Variants in GSE1 observed in about 807,000 individuals in gnomAD.
The protein encoded by GSE1 is genetic suppressor element 1.
A neutral mutation model predicts 112.6 loss-of-function variants in GSE1; 32 were observed. That is an observed-to-expected ratio of 0.28 (90% confidence interval 0.21 to 0.38). GSE1 has a LOEUF of 0.38. GSE1 is among the 10% of genes least tolerant of loss of function. The pLI, the probability that GSE1 is intolerant of heterozygous loss-of-function variation, is 1.00. For synonymous variants in GSE1, 1,115 were observed against 735.6 expected (o/e 1.52, Z -8.35); for missense variants, 2,348 against 1,699.2 (o/e 1.38, Z -6.71).
At chr16:85,598,337 C>T (rs1481149930) in intron 1 of GSE1, among the ~76,000 whole-genome samples, 3 of 152,226 alleles carry the variant, frequency 2.0e-5, no homozygotes, top group African/African-American at 2.4e-5. Flanking sequence ...GGGCTGCCCA[C>T]GAGAGCCGGT....
At chr16:85,519,378 A>T (rs2052070565) in intron 2 of GSE1, among the ~76,000 whole-genome samples, 1 of 100,560 alleles carries the variant, frequency 9.9e-6, no homozygotes, top group African/African-American at 3.9e-5. Flanking sequence ...GGTCTCCATC[A>T]TCATCACCTT....
chr16:85,477,007 C>T (rs1162062539), intron 2 of GSE1, among the ~76,000 whole-genome samples: 1 of 151,204 alleles, frequency 6.6e-6, no homozygotes, highest in African/African-American at 2.4e-5. Flanking sequence ...TAACTGCAAC[C>T]TCCACTTCCC....
At chr16:85,343,941 A>G (rs926773586) in intron 1 of GSE1, among the ~76,000 whole-genome samples, 6 of 152,088 alleles carry the variant, frequency 3.9e-5, no homozygotes, top group Non-Finnish European at 4.4e-5. Flanking sequence ...CTCAAATGCA[A>G]CCGGGCACAG....
At chr16:85,481,639 C>G (rs1465201466) in intron 2 of GSE1, among the ~76,000 whole-genome samples, 1 of 152,200 alleles carries the variant, frequency 6.6e-6, no homozygotes, top group African/African-American at 2.4e-5. Context: ...GATGTGGTCA[C>G]TTTCCAGGAG....
At chr16:85,312,108 T>C (rs1390369916) in intron 1 of GSE1, among the ~76,000 whole-genome samples, 1 of 150,072 alleles carries the variant, frequency 6.7e-6, no homozygotes, top group Non-Finnish European at 1.5e-5. Context: ...ACGCTCAGAC[T>C]CTCCTGCTGG....
intron 2 of GSE1, among the ~76,000 whole-genome samples, chr16:85,501,064 G>C (rs1240653437): frequency 8.0e-6 from 1 of 125,560 alleles, no homozygotes; most frequent in Non-Finnish European, 1.6e-5. Context: ...GGAGTGGCAC[G>C]ATCTCGGCTC....
At chr16:85,253,204 G>A (rs1452896733) in intron 1 of GSE1, among the ~76,000 whole-genome samples, 2 of 152,094 alleles carry the variant, frequency 1.3e-5, no homozygotes, top group Non-Finnish European at 1.5e-5. Context: ...AAGGCGCCAA[G>A]GCCTGCCTCG....
intron 1 of GSE1, among the ~76,000 whole-genome samples, chr16:85,340,432 G>T (rs1441675388): frequency 6.6e-6 from 1 of 152,186 alleles, no homozygotes; most frequent in Non-Finnish European, 1.5e-5. Context: ...TTGAGGTGAG[G>T]AGTTCGAAAC....
chr16:85,527,608 G>A (rs977363823), intron 2 of GSE1, among the ~76,000 whole-genome samples: 2 of 152,276 alleles, frequency 1.3e-5, no homozygotes, highest in African/African-American at 4.8e-5. Flanking sequence ...GCGGTGAATG[G>A]GTGAATGGAG....
intron 8 of GSE1, among the ~76,000 whole-genome samples, chr16:85,659,086 C>T (rs1223218155): frequency 6.6e-6 from 1 of 152,244 alleles, no homozygotes; most frequent in Non-Finnish European, 1.5e-5. Context: ...GGTTTCATTC[C>T]CTTGCTGTTT....
At chr16:85,628,227 C>T (rs2049245025) in intron 1 of GSE1, among the ~76,000 whole-genome samples, 2 of 152,250 alleles carry the variant, frequency 1.3e-5, no homozygotes, top group South Asian at 4.1e-4. Context: ...TTAGATTCCC[C>T]CTAATGAAGC....
rs756559774 is a variant in GSE1, at chr16:85,178,837, C to T, written c.2283+7030C>T. 1.5e-3 allele frequency among the ~76,000 whole-genome samples: 69 copies of T among 44,656 alleles called. 1 individual carries two copies. Among genetic ancestry groups the T allele is most frequent in the Non-Finnish European group, 1.9e-3 (44 of 23,682 alleles). The allele number at this position is 44,656 out of a possible 152,430, so 29.3% of individuals were successfully genotyped here. A position where few individuals can be genotyped will look rare whatever the true frequency, so the allele number is the denominator to read the frequency against. Reference sequence around the variant, plus strand: ...AGTGACGAGTGTCCTGGCAGGGGCTCGAGGTGGGACTGAGGGACGGTGAGG... The same window carrying T: ...AGTGACGAGTGTCCTGGCAGGGGCTTGAGGTGGGACTGAGGGACGGTGAGG... On this transcript the variant is annotated intron_variant, in intron 1 of 2. Transcript: ENST00000637419.
chr16:85,515,846 C>T (rs921948588), intron 2 of GSE1, among the ~76,000 whole-genome samples: 2 of 152,140 alleles, frequency 1.3e-5, no homozygotes, highest in African/African-American at 4.8e-5. Context: ...CGGTCCCCTC[C>T]TGCCTCTTCT....
At position 85,673,465 on chromosome 16, in the gene GSE1, G is replaced by C. The variant is rs1287399309; in HGVS notation, c.*926G>C. 1 of 140,254 alleles carries C rather than the reference G, an allele frequency of 7.1e-6. No homozygotes were observed. Among genetic ancestry groups the C allele is most frequent in the Non-Finnish European group, 1.6e-5 (1 of 63,828 alleles). The allele number at this position is 140,254 out of a possible 1,614,324, so 8.7% of individuals were successfully genotyped here. On this transcript the variant is annotated 3_prime_UTR_variant, in exon 16 of 16. Coordinates refer to ENST00000253458, the MANE Select transcript of GSE1 (RefSeq NM_014615.5). ...GTTTGGGGGTTTTGTTTGTTGTTTT[G>C]GTTTTTTTTGGGCAAAAAAAAAAAA...
intron 1 of GSE1, among the ~76,000 whole-genome samples, chr16:85,268,315 TCCTC>T (rs1249200383): frequency 1.3e-5 from 2 of 152,006 alleles, no homozygotes; most frequent in African/African-American, 2.4e-5. Flanking sequence ...CCCGCAGTCC[TCCTC>T]CTGATAATGA....
At chr16:85,231,227 G>A (rs1904282523) in intron 1 of GSE1, among the ~76,000 whole-genome samples, 1 of 150,112 alleles carries the variant, frequency 6.7e-6, no homozygotes, top group Admixed American at 6.6e-5. Flanking sequence ...ATGGATGGAT[G>A]ATGATGGATG....
intron 1 of GSE1, among the ~76,000 whole-genome samples, chr16:85,238,782 C>T (rs1434899496): frequency 1.3e-5 from 2 of 152,210 alleles, no homozygotes; most frequent in East Asian, 1.9e-4. Context: ...GTTCTTTCCA[C>T]TGCCACCAAG....
rs114960797 is a variant in GSE1, at chr16:85,179,655, T to G, written c.2283+7848T>G. ...ATTGGTGACTCCTTGAAGCCCTGTT[T>G]CATCACTTCTGCCTGCAGTCCATCC... On this transcript the variant is annotated intron_variant, in intron 1 of 2. Transcript: ENST00000637419. Among the ~76,000 whole-genome samples the G allele has an allele frequency of 3.6e-3, 549 of 152,328 alleles. 2 individuals are homozygous for G. The highest frequency in any genetic ancestry group is 0.013 in the African/African-American group (521 of 41,570).
At chr16:85,500,798 A>C (rs2051334326) in intron 2 of GSE1, among the ~76,000 whole-genome samples, 1 of 152,144 alleles carries the variant, frequency 6.6e-6, no homozygotes, top group South Asian at 2.1e-4. Flanking sequence ...GAAGTCCCAG[A>C]TCGAGGTGTC....
Sources: allele counts gnomAD v4.1 joint callset (sites outside exome capture counted in the v4.1 genomes callset), GRCh38; gene constraint gnomAD v4.1.1; transcripts MANE v1.5; gene names NCBI Gene and HGNC (gene_info 2026-07-23, HGNC 2026-07-21).